The following SHANK2 variants were observed in gnomAD, a reference collection of about 807,000 sequenced individuals.
SHANK2 encodes the protein SH3 and multiple ankyrin repeat domains 2.
Under a neutral mutation model 133.7 loss-of-function variants are expected in SHANK2, and 43 were observed. The ratio of observed to expected loss-of-function variants is 0.32; its 90% CI spans 0.25 to 0.41. SHANK2 has a LOEUF of 0.41. SHANK2 is among the 10% of genes least tolerant of loss of function. The pLI, the probability that SHANK2 is intolerant of heterozygous loss-of-function variation, is 1.00. For synonymous variants in SHANK2, 1,017 were observed against 952.8 expected (o/e 1.07, Z -1.24); for missense variants, 1,994 against 2,235.8 (o/e 0.89, Z 2.18).
intron 14 of SHANK2, among the ~76,000 whole-genome samples, chr11:70,797,606 C>T (rs1436579383): frequency 2.6e-5 from 4 of 152,164 alleles, no homozygotes; most frequent in Non-Finnish European, 5.9e-5. Flanking sequence ...ACCTAGTGAG[C>T]CCACAGACTA....
chr11:71,137,745 CT>C (rs1565472788), intron 3 of SHANK2, among the ~76,000 whole-genome samples: 1 of 152,166 alleles, frequency 6.6e-6, no homozygotes, highest in East Asian at 1.9e-4. Flanking sequence ...AAGGACAAAC[CT>C]TCTTGAAGTG....
Position 70,502,398 on chromosome 11 carries a change from C to T in SHANK2, c.2198-112G>A, listed in dbSNP as rs112527087. The T allele has an allele frequency of 4.2e-3, 4,071 of 977,100 alleles. 100 individuals carry two copies. The African/African-American group carries it at 0.052, about 13-fold the overall frequency. 60.5% of individuals were successfully genotyped at this position (977,100 alleles called of 1,614,324 possible). ...AGGTGGGTCTCAGGCTGTTTGGCTG[C>T]GGTGGTCAGGGATTGTGCAGGTGTG... On this transcript the variant is annotated intron_variant, in intron 18 of 25. Transcript: ENST00000601538.
intron 10 of SHANK2, among the ~76,000 whole-genome samples, chr11:70,918,079 C>A (rs527777455): frequency 6.6e-6 from 1 of 151,538 alleles, no homozygotes; most frequent in East Asian, 1.9e-4. Context: ...TCAAGGCAAC[C>A]CATATTTTAA....
chr11:70,492,285 C>A (rs372717789), intron 22 of SHANK2, 50 bp downstream of exon 22: 11 of 1,601,720 alleles, frequency 6.9e-6, no homozygotes, highest in East Asian at 4.5e-5. Flanking sequence ...CACCCACTTC[C>A]TGGGCACCGT....
chr11:71,096,560 T>G (rs1337761502), intron 6 of SHANK2, among the ~76,000 whole-genome samples: 4 of 151,960 alleles, frequency 2.6e-5, no homozygotes, highest in African/African-American at 9.7e-5. Flanking sequence ...AAGGCCACCA[T>G]GGGAGAGTGG....
chr11:70,536,998 G>A (rs1164890378), intron 17 of SHANK2, among the ~76,000 whole-genome samples: 3 of 152,294 alleles, frequency 2.0e-5, no homozygotes, highest in Non-Finnish European at 4.4e-5. Context: ...TGAGTGTTGG[G>A]CTTTGTGTCG....
intron 11 of SHANK2, among the ~76,000 whole-genome samples, chr11:70,839,761 C>T (rs1008295047): frequency 2.6e-5 from 4 of 152,290 alleles, no homozygotes; most frequent in East Asian, 1.9e-4. Flanking sequence ...ACTCACCAGG[C>T]GGCTGAGTGA....
intron 15 of SHANK2, among the ~76,000 whole-genome samples, chr11:70,682,767 G>A (rs892555310): frequency 1.3e-5 from 2 of 152,116 alleles, no homozygotes; most frequent in Non-Finnish European, 2.9e-5. Flanking sequence ...TGGTTCCTTT[G>A]TTGAACTCAC....
chr11:70,853,073 C>A (rs1949114657), intron 11 of SHANK2, among the ~76,000 whole-genome samples: 1 of 152,374 alleles, frequency 6.6e-6, no homozygotes, highest in South Asian at 2.1e-4. Context: ...GGGGTGCCCC[C>A]TGCTGAGACA....
Position 70,755,508 on chromosome 11 carries a change from G to A in SHANK2, c.1777+42935C>T, listed in dbSNP as rs577502119. On this transcript the variant is annotated intron_variant, in intron 14 of 25. Transcript: ENST00000601538. ...CCTCTTGGCCTCTCTGGTGCCCTGT[G>A]GGCACCCGGGCAGAGCCAGTGGCTT... Among the ~76,000 whole-genome samples, 56 of 152,358 alleles carry A rather than the reference G, an allele frequency of 3.7e-4. 1 individual carries two copies. In the South Asian group the frequency reaches 0.011, roughly 31 times the overall value.
At chr11:70,850,755 T>A (rs1227284153) in intron 11 of SHANK2, among the ~76,000 whole-genome samples, 1 of 152,056 alleles carries the variant, frequency 6.6e-6, no homozygotes, top group Non-Finnish European at 1.5e-5. Context: ...TGCTGGCGAA[T>A]GGGGAGAAGC....
intron 17 of SHANK2, among the ~76,000 whole-genome samples, chr11:70,559,025 A>AT (rs199999383): frequency 0.024 from 3,606 of 151,574 alleles, 70 homozygotes; most frequent in East Asian, 0.1. Flanking sequence ...CAGACGCTAT[A>AT]TTTTTTTTTC....
Position 70,782,346 on chromosome 11 carries a change from C to T in SHANK2, c.1777+16097G>A, listed in dbSNP as rs936412087. 4.6e-5 allele frequency among the ~76,000 whole-genome samples: 7 copies of T among 152,340 alleles called. 1 individual carries two copies. Among genetic ancestry groups the T allele is most frequent in the East Asian group, 3.9e-4 (2 of 5,172 alleles). The stretch of plus-strand genomic sequence containing the variant: ...TGCTGGGATTACAGGCGTGAGCCAC[C>T]GCGCCCAGCCTTAAAGCAGTTCTTT... On this transcript the variant is annotated intron_variant, in intron 14 of 25. Coordinates refer to ENST00000601538, the MANE Select transcript of SHANK2 (RefSeq NM_012309.5).
intron 25 of SHANK2, among the ~76,000 whole-genome samples, chr11:70,476,202 T>G (rs2058661155): frequency 6.6e-6 from 1 of 152,140 alleles, no homozygotes; most frequent in African/African-American, 2.4e-5. Flanking sequence ...CACTCCAGCC[T>G]GGGCGACTGA....
intron 17 of SHANK2, among the ~76,000 whole-genome samples, chr11:70,599,925 A>AAAAGAAAGAAAG (rs1565166518): frequency 1.3e-4 from 15 of 114,044 alleles, no homozygotes; most frequent in African/African-American, 6.9e-4. Flanking sequence ...GAAAGAAAGA[A>AAAAGAAAGAAAG]AGAAAGAAAG....
At chr11:71,224,476 G>T (rs1954608441) in intron 2 of SHANK2, among the ~76,000 whole-genome samples, 1 of 152,200 alleles carries the variant, frequency 6.6e-6, no homozygotes, top group Non-Finnish European at 1.5e-5. Flanking sequence ...AGTAGCCAGA[G>T]GCATAGTCCC....
At position 70,883,624 on chromosome 11, in the gene SHANK2, G is replaced by A. The variant is rs143383233; in HGVS notation, c.1174+12877C>T. On this transcript the variant is annotated intron_variant, in intron 11 of 25. Coordinates refer to ENST00000601538, the MANE Select transcript of SHANK2 (RefSeq NM_012309.5). ...ACTCCGGGAGCCCACCTGAGAGGGT[G>A]TGCTGCGGTGTGGAGCAGGACAGAG... Among the ~76,000 whole-genome samples the A allele has an allele frequency of 3.9e-5, 6 of 152,324 alleles. No individual in the cohort carries two copies. In the East Asian group the frequency reaches 9.7e-4, roughly 25 times the overall value.
chr11:70,477,545 A>C (rs868907166), intron 25 of SHANK2: 9 of 152,168 alleles, frequency 5.9e-5, no homozygotes, highest in Admixed American at 5.2e-4. Context: ...GCCCACTGAG[A>C]AGCAGCTTAT....
At chr11:70,522,208 C>T (rs1460613878) in intron 17 of SHANK2, among the ~76,000 whole-genome samples, 3 of 152,220 alleles carry the variant, frequency 2.0e-5, no homozygotes, top group East Asian at 1.9e-4. Context: ...CAGCCGCCAT[C>T]GCCGTTTCTG....
Sources: gnomAD v4.1 joint callset for allele counts (sites outside exome capture counted in the v4.1 genomes callset) on GRCh38, gnomAD v4.1.1 for gene constraint, MANE v1.5 for transcripts, NCBI Gene and HGNC (gene_info 2026-07-23, HGNC 2026-07-21) for gene names.